Variants in SLC25A16 observed in about 807,000 individuals in gnomAD.
SLC25A16 encodes solute carrier family 25 member 16.
A neutral mutation model predicts 41.5 loss-of-function variants in SLC25A16; 39 were observed. The ratio of observed to expected loss-of-function variants is 0.94; its 90% CI spans 0.73 to 1.23. The LOEUF is 1.23. SLC25A16 is among the 50% of genes most tolerant of loss of function. SLC25A16 has a pLI of 0.00. For synonymous variants in SLC25A16, 146 were observed against 147.8 expected, an observed-to-expected ratio of 0.99 and a Z score of 0.09; for missense variants, 421 against 426.9, an observed-to-expected ratio of 0.99 and a Z score of 0.12.
Position 68,527,473 on chromosome 10 carries a change from GC to G in SLC25A16, c.-99del. 1 of 1,235,136 alleles carries G rather than the reference GC, an allele frequency of 8.1e-7. No homozygotes were observed. Among genetic ancestry groups the G allele is most frequent in the Non-Finnish European group, 1.1e-6 (1 of 939,246 alleles). The allele number at this position is 1,235,136 out of a possible 1,614,324, so 76.5% of individuals were successfully genotyped here. The stretch of plus-strand genomic sequence containing the variant: ...GCGGTGACAGGAGGCTGACCGCCCC[GC>G]CGGCGGGGCAAAGTAACACCCGGCG... On this transcript the variant is annotated 5_prime_UTR_variant, in exon 1 of 9. Coordinates refer to ENST00000609923, the MANE Select transcript of SLC25A16 (RefSeq NM_152707.4).
At position 68,503,654 on chromosome 10, in the gene SLC25A16, T is replaced by C; in HGVS notation, c.399A>G (p.Arg133=). The change falls in exon 4 of 9, where the codon AGA becomes AGG. Residue 133 remains arginine (R), a synonymous_variant. Transcript: ENST00000609923. ...TACCTGCCATGGATCCAGCCATTAA[T>C]CTGTGCACATGACCTGAAATTCCCA... ...TKLGISGHVH[R]LMAGSMAGMT... 1 of 1,605,220 alleles carries C rather than the reference T, an allele frequency of 6.2e-7. No homozygotes were observed. The highest frequency in any genetic ancestry group is 8.5e-7 in the Non-Finnish European group (1 of 1,173,452).
At chr10:68,524,654 G>C (rs569433183) in intron 1 of SLC25A16, among the ~76,000 whole-genome samples, 161 of 148,790 alleles carry the variant, frequency 1.1e-3, no homozygotes, top group African/African-American at 3.9e-3. Context: ...GTTGCAGTGA[G>C]CCGAGATTGC....
chr10:68,525,636 A>T (rs1456875049), intron 1 of SLC25A16, among the ~76,000 whole-genome samples: 1 of 152,070 alleles, frequency 6.6e-6, no homozygotes, highest in African/African-American at 2.4e-5. Context: ...GGAATTTTTA[A>T]ATTTTTGAAT....
intron 3 of SLC25A16, among the ~76,000 whole-genome samples, chr10:68,505,905 C>T (rs890756572): frequency 5.3e-5 from 8 of 151,882 alleles, no homozygotes; most frequent in African/African-American, 9.7e-5. Context: ...TGGTGGCGGG[C>T]GCCTGTAATT....
Position 68,480,006 on chromosome 10 carries a change from TC to T in SLC25A16, c.*3425del, listed in dbSNP as rs1361390237. 8.0e-5 allele frequency: 11 copies of T among 138,146 alleles called. No homozygotes were observed. Among genetic ancestry groups the T allele is most frequent in the Non-Finnish European group, 1.7e-4 (11 of 66,016 alleles). 8.6% of individuals were successfully genotyped at this position (138,146 alleles called of 1,614,324 possible). On this transcript the variant is annotated 3_prime_UTR_variant, in exon 9 of 9. Transcript: ENST00000609923. ...AGCTTGGGTGACAGAGTTAAGACTC[TC>T]GTTAAAAAAAAAAAAAAAAGAATGT...
In SLC25A16 at chr10:68,508,403, T is replaced by TAAA. The variant is rs59336332; in HGVS notation, c.224-1688_224-1686dup. ...TGGATAGGAGAGTAACAGGAAGCTT[T>TAAA]AAAAAAAAAAAAAAAAAAAAGAATT... On this transcript the variant is annotated intron_variant, in intron 2 of 8. Transcript: ENST00000609923. Among the ~76,000 whole-genome samples the TAAA allele has an allele frequency of 2.5e-3, 312 of 126,118 alleles. 11 individuals carry two copies. Among genetic ancestry groups the TAAA allele is most frequent in the Admixed American group, 6.2e-3 (74 of 12,030 alleles). The allele number at this position is 126,118 out of a possible 152,430, so 82.7% of individuals were successfully genotyped here.
chr10:68,514,047 G>T (rs1218649984), intron 2 of SLC25A16, among the ~76,000 whole-genome samples: 1 of 151,962 alleles, frequency 6.6e-6, no homozygotes, highest in East Asian at 1.9e-4. Flanking sequence ...ACAAAAATTA[G>T]CCGGTCATGG....
rs1374810764 is a variant in SLC25A16 at position 68,478,843 on chromosome 10, C to A, written c.*4589G>T. On this transcript the variant is annotated 3_prime_UTR_variant, in exon 9 of 9. Transcript: ENST00000609923. Reference sequence around the variant, plus strand: ...GGCAATCTTGGCTCACTGCAACCTCCGCCTTCTGGGTTCAAGCAATTCTCC... The same window carrying A: ...GGCAATCTTGGCTCACTGCAACCTCAGCCTTCTGGGTTCAAGCAATTCTCC... The A allele has an allele frequency of 6.6e-6, 1 of 152,002 alleles. No individual in the cohort carries two copies. Among genetic ancestry groups the A allele is most frequent in the Non-Finnish European group, 1.5e-5 (1 of 68,002 alleles). 9.4% of individuals were successfully genotyped at this position (152,002 alleles called of 1,614,324 possible). A position where few individuals can be genotyped will look rare whatever the true frequency, so the allele number is the denominator to read the frequency against.
intron 1 of SLC25A16, among the ~76,000 whole-genome samples, chr10:68,526,768 G>C (rs2053344565): frequency 6.6e-6 from 1 of 152,198 alleles, no homozygotes; most frequent in Non-Finnish European, 1.5e-5. Flanking sequence ...CAGTTTACTA[G>C]AATCACTGGA....
chr10:68,491,375 G>A (rs929543641), intron 6 of SLC25A16, among the ~76,000 whole-genome samples: 4 of 151,946 alleles, frequency 2.6e-5, no homozygotes, highest in Non-Finnish European at 5.9e-5. Flanking sequence ...ACAGGCATGT[G>A]CGACCACGCC....
rs1173769229 is a variant in SLC25A16, at chr10:68,482,964, C to T, written c.*468G>A. On this transcript the variant is annotated 3_prime_UTR_variant, in exon 9 of 9. Transcript: ENST00000609923. The stretch of plus-strand genomic sequence containing the variant: ...AGCATAATTGTGAGAAGAGAGATAA[C>T]AAAAATAAAATGTCAATGCTGGCTG... 5 of 152,042 alleles carry T rather than the reference C, an allele frequency of 3.3e-5. No individual in the cohort carries two copies. Among genetic ancestry groups the T allele is most frequent in the Non-Finnish European group, 7.3e-5 (5 of 68,028 alleles). The allele number at this position is 152,042 out of a possible 1,614,324, so 9.4% of individuals were successfully genotyped here.
rs148285905 is a variant in SLC25A16 at position 68,504,017 on chromosome 10, CTTTTTTTTTT to C, written c.358-332_358-323del. Among the ~76,000 whole-genome samples, 31 of 70,890 alleles carry C rather than the reference CTTTTTTTTTT, an allele frequency of 4.4e-4. 1 individual carries two copies. The East Asian group carries it at 9.4e-3, about 21-fold the overall frequency. The allele number at this position is 70,890 out of a possible 152,430, so 46.5% of individuals were successfully genotyped here. A position where few individuals can be genotyped will look rare whatever the true frequency, so the allele number is the denominator to read the frequency against. On this transcript the variant is annotated intron_variant, in intron 3 of 8. Transcript: ENST00000609923. ...TGGGGGTAGTAGGAATAAACTGCTA[CTTTTTTTTTT>C]TTTTTTTTTTTTTTTTGAGATGAAG...
chr10:68,527,475 C>G lies in SLC25A16; in HGVS notation c.-100G>C, dbSNP rs1054238448. 10 of 1,229,940 alleles carry G rather than the reference C, an allele frequency of 8.1e-6. No homozygotes were observed. 76.2% of individuals were successfully genotyped at this position (1,229,940 alleles called of 1,614,324 possible). On this transcript the variant is annotated 5_prime_UTR_variant, in exon 1 of 9. Coordinates refer to ENST00000609923, the MANE Select transcript of SLC25A16 (RefSeq NM_152707.4). ...GGTGACAGGAGGCTGACCGCCCCGC[C>G]GGCGGGGCAAAGTAACACCCGGCGG...
At chr10:68,521,061 G>A (rs1472085329) in intron 1 of SLC25A16, among the ~76,000 whole-genome samples, 2 of 151,538 alleles carry the variant, frequency 1.3e-5, no homozygotes, top group Admixed American at 6.6e-5. Context: ...TTGAACTTGG[G>A]AGGCAGAGGT....
In SLC25A16 at chr10:68,506,680, C is replaced by T; in HGVS notation, c.262G>A (p.Gly88Arg). 1 of 1,593,606 alleles carries T rather than the reference C, an allele frequency of 6.3e-7. No individual in the cohort carries two copies. The highest frequency in any genetic ancestry group is 8.6e-7 in the Non-Finnish European group (1 of 1,168,794). The change falls in exon 3 of 9, where the codon GGA (glycine) becomes AGA (arginine). Residue 88 changes from glycine (G) to arginine (R), a missense_variant. Transcript: ENST00000609923. Reference sequence around the variant, plus strand: ...TTTCCTTTATACAATCCAAGGAATCCTTCTTTTTGAGGAACAGCACGCAAT... The same window carrying T: ...TTTCCTTTATACAATCCAAGGAATCTTTCTTTTTGAGGAACAGCACGCAAT... ...SALRAVPQKE[G>R]FLGLYKGNGA...
chr10:68,515,915 C>T (rs2053154551), intron 2 of SLC25A16, among the ~76,000 whole-genome samples: 1 of 152,010 alleles, frequency 6.6e-6, no homozygotes. Context: ...TTCAATGATT[C>T]CAAGATTTGG....
intron 6 of SLC25A16, among the ~76,000 whole-genome samples, chr10:68,492,890 A>C (rs2052683402): frequency 6.6e-6 from 1 of 152,132 alleles, no homozygotes; most frequent in Non-Finnish European, 1.5e-5. Flanking sequence ...ATCTAACGTA[A>C]GTGTGTGTTA....
chr10:68,496,089 T>C (rs747022908), intron 4 of SLC25A16, among the ~76,000 whole-genome samples: 10 of 152,224 alleles, frequency 6.6e-5, no homozygotes, highest in Non-Finnish European at 1.5e-4. Flanking sequence ...CCCTTTCCTT[T>C]GAGAATCAAT....
intron 1 of SLC25A16, among the ~76,000 whole-genome samples, chr10:68,525,783 C>G (rs1339697851): frequency 6.6e-6 from 1 of 152,168 alleles, no homozygotes; most frequent in African/African-American, 2.4e-5. Flanking sequence ...CCTTGAGATT[C>G]TGTTAATCTA....
Sources: gnomAD v4.1 joint callset for allele counts (sites outside exome capture counted in the v4.1 genomes callset) on GRCh38, gnomAD v4.1.1 for gene constraint, MANE v1.5 for transcripts, NCBI Gene and HGNC (gene_info 2026-07-23, HGNC 2026-07-21) for gene names.